SPMIP7: variants seen among roughly 807,000 people sequenced by gnomAD.
The protein encoded by SPMIP7 is sperm microtubule inner protein 7, also known as protein SPMIP7.
At chr7:50,121,827 T>A in the SPMIP7 span, among the ~76,000 whole-genome samples, 7 of 111,416 alleles carry the variant, frequency 6.3e-5, no homozygotes, top group Non-Finnish European at 1.3e-4. Flanking sequence ...CTAATTTTTG[T>A]TTTTTTTCTT....
At chr7:50,144,394 G>A in the SPMIP7 span, among the ~76,000 whole-genome samples, 1 of 152,164 alleles carries the variant, frequency 6.6e-6, no homozygotes, top group Non-Finnish European at 1.5e-5. Context: ...ATGGATAGGT[G>A]GAGTGTATGT....
At chr7:50,140,089 T>C in the SPMIP7 span, 24 of 1,213,520 alleles carry the variant, frequency 2.0e-5, no homozygotes, top group African/African-American at 1.7e-4. Flanking sequence ...TAATTTGATG[T>C]TTATTAACTT....
chr7:50,109,501 G>C, the SPMIP7 span, among the ~76,000 whole-genome samples: 1 of 151,964 alleles, frequency 6.6e-6, no homozygotes, highest in Admixed American at 6.6e-5. Context: ...TCATCCTCCC[G>C]AGTAGCTGGG....
At chr7:50,103,382 C>T in the SPMIP7 span, among the ~76,000 whole-genome samples, 1 of 152,130 alleles carries the variant, frequency 6.6e-6, no homozygotes, top group Non-Finnish European at 1.5e-5. Context: ...GTCACCTGCC[C>T]AAACCAAAGT....
the SPMIP7 span, among the ~76,000 whole-genome samples, chr7:50,150,689 A>G: frequency 6.6e-6 from 1 of 152,218 alleles, no homozygotes; most frequent in African/African-American, 2.4e-5. Flanking sequence ...AATATTCATT[A>G]TTCTTCACAT....
chr7:50,107,536 A>T, the SPMIP7 span, among the ~76,000 whole-genome samples: 1 of 152,070 alleles, frequency 6.6e-6, no homozygotes, highest in Non-Finnish European at 1.5e-5. Flanking sequence ...GAGAACTGGT[A>T]GATAAATCAG....
the SPMIP7 span, among the ~76,000 whole-genome samples, chr7:50,153,843 C>G: frequency 6.6e-6 from 1 of 152,302 alleles, no homozygotes; most frequent in African/African-American, 2.4e-5. Flanking sequence ...CAGGCCCCGA[C>G]TAGCCTGTTG....
the SPMIP7 span, among the ~76,000 whole-genome samples, chr7:50,123,527 A>G: frequency 2.1e-5 from 3 of 146,076 alleles, no homozygotes; most frequent in Admixed American, 1.4e-4. Flanking sequence ...TGTAACTAAC[A>G]TGCACATTGT....
chr7:50,147,143 G>A, the SPMIP7 span, among the ~76,000 whole-genome samples: 4 of 152,224 alleles, frequency 2.6e-5, no homozygotes, highest in Admixed American at 6.5e-5. Flanking sequence ...TGTGAAAGCT[G>A]TTGGGAGCTA....
the SPMIP7 span, among the ~76,000 whole-genome samples, chr7:50,145,000 A>ACC: frequency 1.3e-5 from 2 of 151,882 alleles, no homozygotes; most frequent in Non-Finnish European, 2.9e-5. Context: ...GGTGGCTCAC[A>ACC]CCTGTAGTCC....
At chr7:50,129,576 A>T in the SPMIP7 span, 1 of 630,014 alleles carries the variant, frequency 1.6e-6, no homozygotes, top group East Asian at 3.0e-5. Flanking sequence ...GTAGGGAAGC[A>T]TTAAATCTGG....
At chr7:50,135,273 C>T in the SPMIP7 span, among the ~76,000 whole-genome samples, 2 of 152,202 alleles carry the variant, frequency 1.3e-5, no homozygotes, top group African/African-American at 2.4e-5. Context: ...TCTTTTTGTG[C>T]CACTTCTCAC....
the SPMIP7 span, among the ~76,000 whole-genome samples, chr7:50,137,364 T>C: frequency 6.6e-6 from 1 of 152,160 alleles, no homozygotes. Flanking sequence ...TCTGTGTTTC[T>C]AGGAGTTTGT....
the SPMIP7 span, among the ~76,000 whole-genome samples, chr7:50,103,479 C>A: frequency 4.6e-5 from 7 of 152,294 alleles, no homozygotes; most frequent in Admixed American, 1.3e-4. Flanking sequence ...TGGACTATTT[C>A]TTTTGCTTAT....
At chr7:50,126,847 G>GA in the SPMIP7 span, among the ~76,000 whole-genome samples, 1 of 151,626 alleles carries the variant, frequency 6.6e-6, no homozygotes, top group South Asian at 2.1e-4. Context: ...ACACAGAGTA[G>GA]AAAAAGGTGA....
At chr7:50,101,164 T>G in the SPMIP7 span, among the ~76,000 whole-genome samples, 5 of 152,246 alleles carry the variant, frequency 3.3e-5, no homozygotes, top group Non-Finnish European at 7.3e-5. Flanking sequence ...ACATTGGGCC[T>G]GGACATTTGA....
chr7:50,139,451 C>G, the SPMIP7 span, among the ~76,000 whole-genome samples: 1 of 151,362 alleles, frequency 6.6e-6, no homozygotes, highest in Non-Finnish European at 1.5e-5. Context: ...TTTTTTTCTA[C>G]TAATTCTTAA....
chr7:50,134,968 G>GC, the SPMIP7 span, among the ~76,000 whole-genome samples: 70 of 152,142 alleles, frequency 4.6e-4, no homozygotes, highest in African/African-American at 1.7e-3. Context: ...CTTCATCCCT[G>GC]CCCCGTTCTC....
chr7:50,120,133 G>A, the SPMIP7 span: 1 of 152,162 alleles, frequency 6.6e-6, no homozygotes, highest in Non-Finnish European at 1.5e-5. Flanking sequence ...CTTCCAAATA[G>A]CTTTCTCTGA....
Sources: allele counts gnomAD v4.1 joint callset (sites outside exome capture counted in the v4.1 genomes callset), GRCh38; gene constraint gnomAD v4.1.1; transcripts MANE v1.5; gene names NCBI Gene and HGNC (gene_info 2026-07-23, HGNC 2026-07-21).